GPM6A: variants seen among roughly 807,000 people sequenced by gnomAD.
The protein encoded by GPM6A is glycoprotein M6A, also known as neuronal membrane glycoprotein M6-a.
GPM6A carries 7 observed loss-of-function variants against 32.1 expected under a neutral mutation model. The observed-to-expected ratio is 0.22, with a 90% CI of 0.12 to 0.41. GPM6A has a LOEUF of 0.41. GPM6A is among the 10% of genes least tolerant of loss of function. The pLI is 1.00. For synonymous variants in GPM6A, 130 were observed against 123.4 expected (o/e 1.05, Z -0.35); for missense variants, 235 against 347.2 (o/e 0.68, Z 2.57).
chr4:175,713,973 G>A lies in GPM6A; in HGVS notation c.38-12206C>T, dbSNP rs1031764620. Among the ~76,000 whole-genome samples the A allele has an allele frequency of 4.6e-5, 7 of 151,816 alleles. No homozygotes were observed. In the East Asian group the frequency reaches 1.2e-3, roughly 25 times the overall value. ...TTTTTTTTTGTCTTTTAGTCCTTCTGTGAAAATTTAAACTTCTGCTATCAT... is the reference window on the plus strand; with the variant it reads ...TTTTTTTTTGTCTTTTAGTCCTTCTATGAAAATTTAAACTTCTGCTATCAT... On this transcript the variant is annotated intron_variant, in intron 1 of 6. Transcript: ENST00000393658.
At chr4:175,815,918 T>C (rs1018994098), upstream of GPM6A, among the ~76,000 whole-genome samples, 2 of 152,132 alleles carry the variant, frequency 1.3e-5, no homozygotes, top group African/African-American at 2.4e-5. Flanking sequence ...GGTTTCTCCA[T>C]GTTGGTCAGG....
intron 3 of GPM6A, among the ~76,000 whole-genome samples, chr4:175,673,389 A>G (rs181998895): frequency 4.0e-5 from 6 of 151,728 alleles, no homozygotes; most frequent in Non-Finnish European, 8.8e-5. Flanking sequence ...GTGATTCTCA[A>G]GAGAATCACA....
intron 1 of GPM6A, among the ~76,000 whole-genome samples, chr4:175,768,719 C>G (rs1733071425): frequency 6.6e-6 from 1 of 152,222 alleles, no homozygotes; most frequent in Admixed American, 6.5e-5. Flanking sequence ...TTGAATTGAA[C>G]TATCTGGCAC....
intron 1 of GPM6A, among the ~76,000 whole-genome samples, chr4:175,951,497 C>T (rs749008385): frequency 3.3e-5 from 5 of 152,226 alleles, no homozygotes; most frequent in South Asian, 2.1e-4. Flanking sequence ...TTACCTCTGA[C>T]GGCGAAATAA....
upstream of GPM6A, among the ~76,000 whole-genome samples, chr4:175,814,156 T>C (rs1213902246): frequency 6.6e-6 from 1 of 152,254 alleles, no homozygotes; most frequent in Non-Finnish European, 1.5e-5. Context: ...AGCAATTGTT[T>C]ATTGTAGTGC....
intron 1 of GPM6A, among the ~76,000 whole-genome samples, chr4:175,925,884 T>A (rs368660681): frequency 6.7e-6 from 1 of 149,574 alleles, no homozygotes; most frequent in Non-Finnish European, 1.5e-5. Flanking sequence ...GAGAGTCTCA[T>A]TCTGTCATCC....
At chr4:175,663,688 A>G (rs77674035) in intron 3 of GPM6A, among the ~76,000 whole-genome samples, 6,920 of 147,114 alleles carry the variant, frequency 0.047, 182 homozygotes, top group Non-Finnish European at 0.062. Flanking sequence ...AATTGGTAAA[A>G]TGTAAATTTT....
At chr4:175,679,652 A>G (rs1435693226) in intron 2 of GPM6A, among the ~76,000 whole-genome samples, 1 of 152,168 alleles carries the variant, frequency 6.6e-6, no homozygotes, top group East Asian at 1.9e-4. Context: ...AGCACTAGGT[A>G]TTCTGATGCA....
chr4:175,905,242 C>A (rs1255844686), intron 1 of GPM6A, among the ~76,000 whole-genome samples: 2 of 152,168 alleles, frequency 1.3e-5, no homozygotes, highest in African/African-American at 4.8e-5. Flanking sequence ...AGATTCCTCT[C>A]AGTTGCTGTC....
chr4:175,860,209 T>C (rs1167972626), intron 1 of GPM6A, among the ~76,000 whole-genome samples: 1 of 149,980 alleles, frequency 6.7e-6, no homozygotes, highest in Non-Finnish European at 1.5e-5. Flanking sequence ...TAAAAGTAAA[T>C]GAAATTGAAA....
At chr4:175,720,092 C>T (rs1746036319) in intron 1 of GPM6A, among the ~76,000 whole-genome samples, 1 of 152,144 alleles carries the variant, frequency 6.6e-6, no homozygotes, top group Non-Finnish European at 1.5e-5. Flanking sequence ...TATCCCATTG[C>T]CTAAATACTT....
At chr4:175,807,747 T>C (rs1734751302) in intron 1 of GPM6A, 1 of 152,190 alleles carries the variant, frequency 6.6e-6, no homozygotes, top group Non-Finnish European at 1.5e-5. Flanking sequence ...AGCTGATGAC[T>C]GCAATGGAAG....
At chr4:175,937,133 T>C (rs532226851) in intron 1 of GPM6A, among the ~76,000 whole-genome samples, 6 of 152,236 alleles carry the variant, frequency 3.9e-5, no homozygotes, top group Admixed American at 2.0e-4. Flanking sequence ...GAGATGGCAA[T>C]TTATCAAAAT....
intron 1 of GPM6A, among the ~76,000 whole-genome samples, chr4:175,978,955 C>A (rs1200197528): frequency 1.4e-5 from 2 of 145,172 alleles, no homozygotes; most frequent in African/African-American, 5.6e-5. Flanking sequence ...CTAAAACTGT[C>A]CATTTAAAGC....
intron 1 of GPM6A, among the ~76,000 whole-genome samples, chr4:175,721,046 AT>A (rs1746098006): frequency 2.6e-5 from 1 of 37,838 alleles, no homozygotes; most frequent in East Asian, 5.2e-4. Context: ...TATATTATAT[AT>A]ATATATGTAC....
At chr4:175,901,612 T>C (rs1737968738) in intron 1 of GPM6A, among the ~76,000 whole-genome samples, 2 of 144,240 alleles carry the variant, frequency 1.4e-5, no homozygotes, top group Admixed American at 7.4e-5. Context: ...CTTTATAATT[T>C]TCTTTTTTTC....
chr4:175,870,583 A>G (rs1298922748), intron 1 of GPM6A, among the ~76,000 whole-genome samples: 2 of 152,204 alleles, frequency 1.3e-5, no homozygotes, highest in African/African-American at 2.4e-5. Flanking sequence ...ATGGACTGCT[A>G]TCTAGAACCC....
chr4:175,845,385 C>A (rs75959955), intron 1 of GPM6A, among the ~76,000 whole-genome samples: 1 of 151,998 alleles, frequency 6.6e-6, no homozygotes, highest in Non-Finnish European at 1.5e-5. Context: ...GCATTGATTT[C>A]GACGTTTCCC....
At chr4:175,884,353 G>A (rs1737382379) in intron 1 of GPM6A, among the ~76,000 whole-genome samples, 1 of 152,038 alleles carries the variant, frequency 6.6e-6, no homozygotes, top group South Asian at 2.1e-4. Flanking sequence ...AACAGTTTTA[G>A]CAACTATATT....
Sources: allele counts gnomAD v4.1 joint callset (sites outside exome capture counted in the v4.1 genomes callset), GRCh38; gene constraint gnomAD v4.1.1; transcripts MANE v1.5; gene names NCBI Gene and HGNC (gene_info 2026-07-23, HGNC 2026-07-21).